TAS2R1: variants seen among roughly 807,000 people sequenced by gnomAD.
The protein encoded by TAS2R1 is taste receptor type 2 member 1.
For missense variants in TAS2R1, 370 were observed against 353.4 expected (o/e 1.05, Z -0.38); for synonymous variants, 141 against 134.2 (o/e 1.05, Z -0.35).
the TAS2R1 span, among the ~76,000 whole-genome samples, chr5:9,717,991 C>T: frequency 2.0e-5 from 3 of 152,158 alleles, no homozygotes; most frequent in Admixed American, 2.0e-4. Context: ...GATGGAGTCT[C>T]ACTCTGTTGC....
At chr5:9,774,960 G>A in the TAS2R1 span, among the ~76,000 whole-genome samples, 1 of 152,220 alleles carries the variant, frequency 6.6e-6, no homozygotes, top group Non-Finnish European at 1.5e-5. Flanking sequence ...CAAGGCCCTA[G>A]GGCTCTACAA....
intron 1 of TAS2R1, among the ~76,000 whole-genome samples, chr5:9,693,524 C>CAAAAAAAAA (rs35262775): frequency 3.0e-5 from 1 of 33,014 alleles, no homozygotes. Flanking sequence ...AACTCCATCT[C>CAAAAAAAAA]AAAAAAAAAA....
At chr5:9,696,100 C>T (rs1399713803) in intron 1 of TAS2R1, among the ~76,000 whole-genome samples, 1 of 152,038 alleles carries the variant, frequency 6.6e-6, no homozygotes, top group East Asian at 1.9e-4. Context: ...AAAACATTTG[C>T]AGTTTCTCCT....
At chr5:9,888,665 A>T in the TAS2R1 span, among the ~76,000 whole-genome samples, 2 of 152,254 alleles carry the variant, frequency 1.3e-5, no homozygotes, top group South Asian at 2.1e-4. Context: ...CAGTCTGATT[A>T]GGAGAATAGA....
chr5:9,777,958 G>C, the TAS2R1 span, among the ~76,000 whole-genome samples: 1 of 148,610 alleles, frequency 6.7e-6, no homozygotes, highest in South Asian at 2.1e-4. Flanking sequence ...TCGGCTCACT[G>C]CAAGCTCCGC....
the TAS2R1 span, among the ~76,000 whole-genome samples, chr5:9,793,860 T>C: frequency 1.3e-5 from 2 of 152,078 alleles, no homozygotes; most frequent in Admixed American, 6.5e-5. Flanking sequence ...CTGGGTGTGG[T>C]ACCCAGACCC....
At chr5:9,730,500 G>A in the TAS2R1 span, among the ~76,000 whole-genome samples, 50 of 152,290 alleles carry the variant, frequency 3.3e-4, no homozygotes, top group Middle Eastern at 3.4e-3. Context: ...TGCCACACCC[G>A]TGCAGGTACC....
the TAS2R1 span, among the ~76,000 whole-genome samples, chr5:9,834,283 C>G: frequency 6.6e-6 from 1 of 152,346 alleles, no homozygotes; most frequent in Admixed American, 6.5e-5. Flanking sequence ...CCTGTTTCCT[C>G]GTTTAGAAAT....
At chr5:9,752,144 T>A in the TAS2R1 span, among the ~76,000 whole-genome samples, 48 of 152,300 alleles carry the variant, frequency 3.2e-4, no homozygotes, top group African/African-American at 1.1e-3. Flanking sequence ...AAATAAAGTT[T>A]TGTGTTAAGT....
chr5:9,629,144 A>G lies in TAS2R1; in HGVS notation c.889T>C (p.Cys297Arg). 1 of 1,560,618 alleles carries G rather than the reference A, an allele frequency of 6.4e-7. No individual in the cohort carries two copies. Among genetic ancestry groups the G allele is most frequent in the Non-Finnish European group, 8.7e-7 (1 of 1,155,682 alleles). The change falls in exon 1 of 1, where the codon TGC becomes CGC. Residue 297 changes from cysteine to arginine, a missense_variant. Transcript: ENST00000382492. Reference protein sequence around the residue: ...NAKKFLLHSKCCQ With the variant: ...NAKKFLLHSKRCQ ...ATCCAACTTCTCTCTCACTGACAGC[A>G]CTTACTGTGGAGGAGGAACTTTTTT...
At chr5:9,861,771 A>G in the TAS2R1 span, among the ~76,000 whole-genome samples, 1 of 152,048 alleles carries the variant, frequency 6.6e-6, no homozygotes, top group African/African-American at 2.4e-5. Context: ...CAAATTTAGG[A>G]TGAGGGAGTG....
At chr5:9,638,955 G>A (rs1423159349) in intron 2 of TAS2R1, among the ~76,000 whole-genome samples, 1 of 152,142 alleles carries the variant, frequency 6.6e-6, no homozygotes, top group Non-Finnish European at 1.5e-5. Flanking sequence ...TGGTGAGGCT[G>A]GTCTCACTCC....
At chr5:9,869,762 T>A in the TAS2R1 span, among the ~76,000 whole-genome samples, 1 of 152,242 alleles carries the variant, frequency 6.6e-6, no homozygotes, top group South Asian at 2.1e-4. Flanking sequence ...CCTATGTGCC[T>A]TTTCTCTTTG....
At chr5:9,895,396 T>A in the TAS2R1 span, among the ~76,000 whole-genome samples, 1 of 152,308 alleles carries the variant, frequency 6.6e-6, no homozygotes, top group Admixed American at 6.5e-5. Flanking sequence ...GGACCGCCAT[T>A]GCCTTTGAAA....
At chr5:9,759,710 G>T in the TAS2R1 span, among the ~76,000 whole-genome samples, 14 of 152,288 alleles carry the variant, frequency 9.2e-5, no homozygotes, top group East Asian at 2.7e-3. Context: ...TGTTTGAAAA[G>T]GAACCAGGTT....
the TAS2R1 span, among the ~76,000 whole-genome samples, chr5:9,777,018 A>T: frequency 4.6e-5 from 7 of 152,216 alleles, no homozygotes; most frequent in Non-Finnish European, 5.9e-5. Context: ...GCTAACGATC[A>T]TCTGAGCCTT....
chr5:9,689,305 G>A (rs1741189207), intron 1 of TAS2R1, among the ~76,000 whole-genome samples: 1 of 152,088 alleles, frequency 6.6e-6, no homozygotes, highest in Non-Finnish European at 1.5e-5. Context: ...AAAACTATGA[G>A]GCAGTCCTTC....
At chr5:9,669,434 T>C (rs1740706855) in intron 1 of TAS2R1, among the ~76,000 whole-genome samples, 1 of 152,168 alleles carries the variant, frequency 6.6e-6, no homozygotes. Flanking sequence ...TACAGAACTC[T>C]GTACCCCAAA....
chr5:9,663,254 A>T (rs970578663), intron 1 of TAS2R1, among the ~76,000 whole-genome samples: 2 of 152,220 alleles, frequency 1.3e-5, no homozygotes, highest in Non-Finnish European at 2.9e-5. Flanking sequence ...ATAATACTGA[A>T]TCACTACAAT....
Sources: gnomAD v4.1 joint callset for allele counts (sites outside exome capture counted in the v4.1 genomes callset) on GRCh38, gnomAD v4.1.1 for gene constraint, MANE v1.5 for transcripts, NCBI Gene and HGNC (gene_info 2026-07-23, HGNC 2026-07-21) for gene names.